PRKN: variants seen among roughly 807,000 people sequenced by gnomAD.
PRKN encodes the protein parkin RBR E3 ubiquitin protein ligase, also known as E3 ubiquitin-protein ligase parkin.
Under a neutral mutation model 59.5 loss-of-function variants are expected in PRKN, and 56 were observed. That is an observed-to-expected ratio of 0.94 (90% CI 0.76 to 1.18). The LOEUF (loss-of-function observed/expected upper bound fraction) is 1.18. Among genes scored for constraint, PRKN ranks in the 50% most tolerant of loss-of-function variants. PRKN has a pLI of 0.00. For synonymous variants in PRKN, 250 were observed against 222.1 expected (o/e 1.13, Z -1.12); for missense variants, 657 against 596.4 (o/e 1.10, Z -1.06).
chr6:161,478,340 G>A (rs1478932490), intron 9 of PRKN, among the ~76,000 whole-genome samples: 6 of 152,158 alleles, frequency 3.9e-5, no homozygotes, highest in South Asian at 2.1e-4. Flanking sequence ...TGATTTCCAC[G>A]GGAATGTGAG....
intron 2 of PRKN, among the ~76,000 whole-genome samples, chr6:162,326,624 C>T (rs1223859428): frequency 6.6e-6 from 1 of 152,014 alleles, no homozygotes; most frequent in Non-Finnish European, 1.5e-5. Context: ...AACACTGAGG[C>T]AGAAGAGATT....
chr6:161,785,076 A>C (rs772375968), intron 7 of PRKN, among the ~76,000 whole-genome samples: 1 of 152,190 alleles, frequency 6.6e-6, no homozygotes, highest in Non-Finnish European at 1.5e-5. Flanking sequence ...TAGAGAAAGA[A>C]AGTGATTGGT....
Position 161,396,223 on chromosome 6 carries a change from G to A in PRKN, c.1084-9346C>T, listed in dbSNP as rs1239270045. Among the ~76,000 whole-genome samples, 1 of 152,148 alleles carries A rather than the reference G, an allele frequency of 6.6e-6. No individual in the cohort carries two copies. The highest frequency in any genetic ancestry group is 1.5e-5 in the Non-Finnish European group (1 of 68,020). On this transcript the variant is annotated intron_variant, in intron 9 of 11. Transcript: ENST00000366898. The surrounding 1 kb of genome is among the most constrained non-coding windows in gnomAD (Gnocchi z 5.4). Reference sequence around the variant, plus strand: ...TTATCTTCCAAGGTCCCCAGCTCTGGCATTTGTGTCATGGCTTACCTTGTT... The same window carrying A: ...TTATCTTCCAAGGTCCCCAGCTCTGACATTTGTGTCATGGCTTACCTTGTT...
chr6:162,002,371 A>G (rs1308212395), intron 5 of PRKN, among the ~76,000 whole-genome samples: 1 of 152,016 alleles, frequency 6.6e-6, no homozygotes, highest in African/African-American at 2.4e-5. Flanking sequence ...TATTTCTTCT[A>G]CTGTGAATTT....
intron 9 of PRKN, among the ~76,000 whole-genome samples, chr6:161,477,510 C>CAAAAA (rs55713712): frequency 7.8e-4 from 97 of 124,234 alleles, no homozygotes; most frequent in Non-Finnish European, 1.2e-3. Flanking sequence ...AACTCCATCT[C>CAAAAA]AAAAAAAAAA....
At chr6:161,439,921 C>T (rs1385456047) in intron 9 of PRKN, among the ~76,000 whole-genome samples, 1 of 150,820 alleles carries the variant, frequency 6.6e-6, no homozygotes, top group Middle Eastern at 3.2e-3. Flanking sequence ...GTATTTTGGG[C>T]CTAGGTTTTT....
chr6:162,517,671 C>T (rs1273093947), intron 1 of PRKN, among the ~76,000 whole-genome samples: 1 of 152,044 alleles, frequency 6.6e-6, no homozygotes, highest in Non-Finnish European at 1.5e-5. Context: ...AATCTTAGTT[C>T]AAGAGCCTGG....
chr6:162,552,671 A>T (rs1779377920), intron 1 of PRKN, among the ~76,000 whole-genome samples: 1 of 152,130 alleles, frequency 6.6e-6, no homozygotes. Context: ...ATTTGGATAA[A>T]TGAGACGGGA....
rs925428189 is a variant in PRKN at position 161,413,359 on chromosome 6, A to G, written c.1084-26482T>C. Reference sequence around the variant, plus strand: ...TTCCTGAGTCTCTTTCCATTAGAAGAAGAATTCATATACACATACTGCAGC... The same window carrying G: ...TTCCTGAGTCTCTTTCCATTAGAAGGAGAATTCATATACACATACTGCAGC... On this transcript the variant is annotated intron_variant, in intron 9 of 11. Coordinates refer to ENST00000366898, the MANE Select transcript of PRKN (RefSeq NM_004562.3). The surrounding 1 kb of genome is among the most constrained non-coding windows in gnomAD (Gnocchi z 4.4). 6.6e-6 allele frequency among the ~76,000 whole-genome samples: 1 copy of G among 152,164 alleles called. No individual in the cohort carries two copies. The highest frequency in any genetic ancestry group is 1.5e-5 in the Non-Finnish European group (1 of 68,030).
At chr6:161,635,373 C>G (rs1783474140) in intron 7 of PRKN, among the ~76,000 whole-genome samples, 1 of 152,158 alleles carries the variant, frequency 6.6e-6, no homozygotes, top group Non-Finnish European at 1.5e-5. Flanking sequence ...GTTAGAACAT[C>G]TGGTCTTATA....
At chr6:162,513,773 G>A (rs1777730590) in intron 1 of PRKN, among the ~76,000 whole-genome samples, 2 of 152,010 alleles carry the variant, frequency 1.3e-5, no homozygotes, top group Non-Finnish European at 2.9e-5. Flanking sequence ...AATTAACCTC[G>A]CTGGGCACAG....
chr6:161,737,288 A>T (rs1168716706), intron 7 of PRKN, among the ~76,000 whole-genome samples: 1 of 152,168 alleles, frequency 6.6e-6, no homozygotes, highest in Non-Finnish European at 1.5e-5. Flanking sequence ...GACCAGAACA[A>T]TGTCCCTTAA....
chr6:162,156,230 C>A (rs953025514), intron 4 of PRKN, among the ~76,000 whole-genome samples: 1 of 152,154 alleles, frequency 6.6e-6, no homozygotes, highest in Non-Finnish European at 1.5e-5. Context: ...TGTATCCAAT[C>A]GTCCAAAAGT....
intron 6 of PRKN, among the ~76,000 whole-genome samples, chr6:161,919,072 A>C (rs995055752): frequency 1.3e-5 from 2 of 152,212 alleles, no homozygotes; most frequent in African/African-American, 4.8e-5. Flanking sequence ...ATCCACACGA[A>C]GAGTTTTACG....
intron 2 of PRKN, among the ~76,000 whole-genome samples, chr6:162,315,496 T>A (rs1782717503): frequency 6.6e-6 from 1 of 152,178 alleles, no homozygotes. Flanking sequence ...CAGTGAAATT[T>A]GCATTTCAAA....
intron 7 of PRKN, among the ~76,000 whole-genome samples, chr6:161,683,693 C>T (rs563166990): frequency 6.6e-6 from 1 of 152,278 alleles, no homozygotes; most frequent in East Asian, 1.9e-4. Flanking sequence ...GGAAAACATA[C>T]TCTAAGGACT....
chr6:162,530,583 G>A (rs1410391297), intron 1 of PRKN, among the ~76,000 whole-genome samples: 1 of 152,088 alleles, frequency 6.6e-6, no homozygotes, highest in Non-Finnish European at 1.5e-5. Context: ...GCCTCCCTGG[G>A]AGCAGAAATA....
At chr6:162,488,962 G>C (rs1792680939) in intron 1 of PRKN, among the ~76,000 whole-genome samples, 1 of 152,118 alleles carries the variant, frequency 6.6e-6, no homozygotes, top group Non-Finnish European at 1.5e-5. Flanking sequence ...CCTGGGGTCT[G>C]GGTCTGTCTG....
chr6:162,500,493 C>T (rs990140879), intron 1 of PRKN, among the ~76,000 whole-genome samples: 3 of 152,226 alleles, frequency 2.0e-5, no homozygotes, highest in South Asian at 4.1e-4. Flanking sequence ...TCTTACTGCA[C>T]GTCTATATGG....
Sources: gnomAD v4.1 joint callset for allele counts (sites outside exome capture counted in the v4.1 genomes callset) on GRCh38, gnomAD v4.1.1 for gene constraint, Gnocchi (gnomAD v3.1) non-coding constraint, MANE v1.5 for transcripts, NCBI Gene and HGNC (gene_info 2026-07-23, HGNC 2026-07-21) for gene names.